ERN2: variants seen among roughly 807,000 people sequenced by gnomAD.
The protein encoded by ERN2 is endoplasmic reticulum to nucleus signaling 2, also known as serine/threonine-protein kinase/endoribonuclease IRE2.
Under a neutral mutation model 107.9 loss-of-function variants are expected in ERN2, and 111 were observed. That is an observed-to-expected ratio of 1.03 (90% CI 0.88 to 1.20). The LOEUF (loss-of-function observed/expected upper bound fraction) is 1.20, where lower values mean the gene tolerates loss of function less well. ERN2 is among the 50% of genes most tolerant of loss of function. The pLI is 0.00. For synonymous variants in ERN2, 524 were observed against 501.7 expected (o/e 1.04, Z -0.59); for missense variants, 1,225 against 1,197.9 (o/e 1.02, Z -0.33).
chr16:23,710,420 A>C (rs1364477964), intron 3 of ERN2, 96 bp downstream of exon 3: 4 of 1,375,308 alleles, frequency 2.9e-6, no homozygotes, highest in Non-Finnish European at 4.1e-6. Flanking sequence ...CCTTACTTCC[A>C]ACATGTCCCT....
chr16:23,698,421 T>C (rs1236623422), intron 13 of ERN2, among the ~76,000 whole-genome samples: 1 of 152,228 alleles, frequency 6.6e-6, no homozygotes, highest in East Asian at 1.9e-4. Flanking sequence ...CTGCCTGGTA[T>C]AGCCTGGTAT....
At position 23,690,808 on chromosome 16, in the gene ERN2, A is replaced by AT. The variant is rs1232130097; in HGVS notation, c.*22dup. Reference sequence around the variant, plus strand: ...TCTTCAGTGAGCCAGCACGGAGACCATCTGTGTGGCATCCAGCCCACCTCA... The same window carrying AT: ...TCTTCAGTGAGCCAGCACGGAGACCATTCTGTGTGGCATCCAGCCCACCTCA... On this transcript the variant is annotated 3_prime_UTR_variant, in exon 22 of 22. Transcript: ENST00000256797. The AT allele has an allele frequency of 1.9e-6, 3 of 1,593,424 alleles. No homozygotes were observed. The highest frequency in any genetic ancestry group is 2.6e-6 in the Non-Finnish European group (3 of 1,170,276).
Position 23,693,746 on chromosome 16 carries a change from T to C in ERN2, c.2100+982A>G, listed in dbSNP as rs138360937. Among the ~76,000 whole-genome samples, 882 of 152,304 alleles carry C rather than the reference T, an allele frequency of 5.8e-3. 9 individuals carry two copies. Among genetic ancestry groups the C allele is most frequent in the African/African-American group, 0.02 (825 of 41,560 alleles). ...CAGCCTTCCCTGGTGACTGTCCTTT[T>C]GTGTGATTGGCATCCATTTCTCTGG... On this transcript the variant is annotated intron_variant, in intron 17 of 21. Transcript: ENST00000256797.
chr16:23,710,805 C>A, intron 2 of ERN2, 108 bp downstream of exon 2: 2 of 926,458 alleles, frequency 2.2e-6, no homozygotes, highest in Non-Finnish European at 3.5e-6. Flanking sequence ...CCTGTAGATA[C>A]CAGCTTATTG....
chr16:23,702,677 C>T lies in ERN2; in HGVS notation c.880G>A (p.Glu294Lys), dbSNP rs1419273101. 6.2e-7 allele frequency: 1 copy of T among 1,614,164 alleles called. No individual in the cohort carries two copies. The highest frequency in any genetic ancestry group is 2.2e-5 in the East Asian group (1 of 44,884). ...LLMTLYVGKD[E>K]TGFYVSKALV... ...GCTTTAGAGACATAGAAGCCAGTTT[C>T]ATCCTTCCCCACATACAGCGTCATT... The change falls in exon 9 of 22, where the codon GAA (glutamate) becomes AAA (lysine). Residue 294 changes from glutamate (E) to lysine (K), a missense_variant. Physicochemically the swap from Glu to Lys is moderately conservative, Grantham distance 56 (BLOSUM62 1). Coordinates refer to ENST00000256797, the MANE Select transcript of ERN2 (RefSeq NM_033266.4).
intron 7 of ERN2, chr16:23,706,126 A>G: frequency 2.0e-6 from 1 of 504,084 alleles, no homozygotes; most frequent in Non-Finnish European, 3.5e-6. Flanking sequence ...AGGTTGAGGG[A>G]TTGGCCAGGG....
rs1314674826 is a variant in ERN2, at chr16:23,702,122, A to AC, written c.1203+29dup. ...TCCCCCCATCTGCTGGGGCCTCCCT[A>AC]CCCCCACTCTCTCCCCTCCCAGCAC... On this transcript the variant is annotated intron_variant, in intron 11 of 21. Coordinates refer to ENST00000256797, the MANE Select transcript of ERN2 (RefSeq NM_033266.4). 12 of 1,598,564 alleles carry AC rather than the reference A, an allele frequency of 7.5e-6. No homozygotes were observed. In the African/African-American group the frequency reaches 9.4e-5, roughly 13 times the overall value.
Position 23,695,722 on chromosome 16 carries a change from C to CAAA in ERN2, c.1610+169_1610+171dup, listed in dbSNP as rs57103138. On this transcript the variant is annotated intron_variant, in intron 14 of 21. Coordinates refer to ENST00000256797, the MANE Select transcript of ERN2 (RefSeq NM_033266.4). Reference sequence around the variant, plus strand: ...CCAGCCTGGGCAACAGAGCAAGACTCAAAAAAAAAAAAAAAAAAAAAAAAA... The same window carrying CAAA: ...CCAGCCTGGGCAACAGAGCAAGACTCAAAAAAAAAAAAAAAAAAAAAAAAAAAA... Among the ~76,000 whole-genome samples the CAAA allele has an allele frequency of 7.6e-3, 284 of 37,302 alleles. 15 individuals carry two copies. The highest frequency in any genetic ancestry group is 0.011 in the African/African-American group (119 of 10,396). The allele number at this position is 37,302 out of a possible 152,430, so 24.5% of individuals were successfully genotyped here.
Position 23,710,411 on chromosome 16 carries a change from C to T in ERN2, c.233+105G>A, listed in dbSNP as rs908314300. 4 of 1,330,460 alleles carry T rather than the reference C, an allele frequency of 3.0e-6. No individual in the cohort carries two copies. In the African/African-American group the frequency reaches 4.3e-5, roughly 14 times the overall value. 82.4% of individuals were successfully genotyped at this position (1,330,460 alleles called of 1,614,324 possible). ...TCACATCCAGAGCCAATTCTCTTCC[C>T]TTACTTCCAACATGTCCCTGCCCCA... On this transcript the variant is annotated intron_variant, in intron 3 of 21. Coordinates refer to ENST00000256797, the MANE Select transcript of ERN2 (RefSeq NM_033266.4).
chr16:23,690,918 C>T lies in ERN2; in HGVS notation c.2694G>A (p.Arg898=). The change falls in exon 22 of 22, where the codon AGG becomes AGA. Residue 898 remains arginine (R), a synonymous_variant. Coordinates refer to ENST00000256797, the MANE Select transcript of ERN2 (RefSeq NM_033266.4). Reference sequence around the variant, plus strand: ...GGAAGAGGCTCTCAGAGGCGCAGCTCCTCATGGCTCGGTGCGTGTGGAGGA... The same window carrying T: ...GGAAGAGGCTCTCAGAGGCGCAGCTTCTCATGGCTCGGTGCGTGTGGAGGA... The part of the protein sequence containing the change: ...RLLLHTHRAM[R]SCASESLFLP... 6.2e-7 allele frequency: 1 copy of T among 1,614,080 alleles called. No individual in the cohort carries two copies. Among genetic ancestry groups the T allele is most frequent in the Non-Finnish European group, 8.5e-7 (1 of 1,180,032 alleles).
chr16:23,702,673 G>A lies in ERN2; in HGVS notation c.884C>T (p.Thr295Ile). ...LMTLYVGKDE[T>I]GFYVSKALVH... ...CAGTGCTTTAGAGACATAGAAGCCA[G>A]TTTCATCCTTCCCCACATACAGCGT... The change falls in exon 9 of 22, where the codon ACT (threonine) becomes ATT (isoleucine). Residue 295 changes from threonine (T) to isoleucine (I), a missense_variant. Coordinates refer to ENST00000256797, the MANE Select transcript of ERN2 (RefSeq NM_033266.4). The A allele has an allele frequency of 6.2e-7, 1 of 1,614,152 alleles. No homozygotes were observed. Among genetic ancestry groups the A allele is most frequent in the Non-Finnish European group, 8.5e-7 (1 of 1,180,000 alleles).
Position 23,690,481 on chromosome 16 carries a change from G to A in ERN2, c.*350C>T, listed in dbSNP as rs1396497969. ...GTCTTGTGGGGGAAAGGGGGTGACA[G>A]TGTCTCTCTGTGGACCAGGCTGGAG... On this transcript the variant is annotated 3_prime_UTR_variant, in exon 22 of 22. Coordinates refer to ENST00000256797, the MANE Select transcript of ERN2 (RefSeq NM_033266.4). 6.5e-6 allele frequency: 3 copies of A among 461,240 alleles called. No individual in the cohort carries two copies. Among genetic ancestry groups the A allele is most frequent in the South Asian group, 4.6e-5 (2 of 43,578 alleles). The allele number at this position is 461,240 out of a possible 1,614,324, so 28.6% of individuals were successfully genotyped here.
rs750087049 is a variant in ERN2 at position 23,702,631 on chromosome 16, G to A, written c.926C>T (p.Ala309Val). ...VSKALVHTGV[A>V]LVPRGLTLAP... ...TCAGAGACCACTTCTTACCACCAGG[G>A]CCACTCCTGTGTGGACCAGTGCTTT... The change falls in exon 9 of 22, where the codon GCC becomes GTC. Residue 309 changes from alanine to valine, a missense_variant. By Grantham distance (64) the Ala-to-Val change is moderately conservative (BLOSUM62 0). Coordinates refer to ENST00000256797, the MANE Select transcript of ERN2 (RefSeq NM_033266.4). 4 of 1,614,092 alleles carry A rather than the reference G, an allele frequency of 2.5e-6. No individual in the cohort carries two copies. Among genetic ancestry groups the A allele is most frequent in the Middle Eastern group, 1.6e-4 (1 of 6,062 alleles).
At chr16:23,692,384 G>A (rs545284689) in intron 17 of ERN2, 53 bp from the exon 18 acceptor site, 2 of 1,592,920 alleles carry the variant, frequency 1.3e-6, no homozygotes, top group Non-Finnish European at 1.7e-6. Context: ...CAGGAAGTCA[G>A]CCTGGCTAAA....
Position 23,692,072 on chromosome 16 carries a change from TC to T in ERN2, c.2266del (p.Asp756ThrfsTer7). On this transcript the variant is annotated frameshift_variant, in exon 19 of 22. Transcript: ENST00000256797. LOFTEE classifies it high-confidence loss of function. Reference protein sequence around the residue: ...EEVHDKVVARDLVGAMLSPLP... With the variant: ...EEVHDKVVARXLVGAMLSPLP... ...TGGGCTCAACATGGCTCCAACCAGGTCCCGGGCAACCACCTTGTCTGGAGGA... is the reference window on the plus strand; with the variant it reads ...TGGGCTCAACATGGCTCCAACCAGGTCCGGGCAACCACCTTGTCTGGAGGA... 1 of 1,613,696 alleles carries T rather than the reference TC, an allele frequency of 6.2e-7. No homozygotes were observed. The highest frequency in any genetic ancestry group is 8.5e-7 in the Non-Finnish European group (1 of 1,180,014).
chr16:23,694,797 G>A lies in ERN2; in HGVS notation c.2031C>T (p.His677=), dbSNP rs1428626639. The change falls in exon 17 of 22, where the codon CAC becomes CAT. Residue 677 remains histidine, a synonymous_variant. Transcript: ENST00000256797. ...LPAGRCSFSL[H]SGIPGTEGWM... is the part of the protein sequence containing the mutation. The stretch of plus-strand genomic sequence containing the variant: ...AGCCTTCCGTGCCGGGGATGCCGGA[G>A]TGGAGGCTGAAGCTACAGCGGCCAG... 1 of 1,613,664 alleles carries A rather than the reference G, an allele frequency of 6.2e-7. No individual in the cohort carries two copies. Among genetic ancestry groups the A allele is most frequent in the Non-Finnish European group, 8.5e-7 (1 of 1,179,888 alleles).
intron 13 of ERN2, chr16:23,697,253 C>T (rs1186443567): frequency 6.6e-6 from 1 of 151,902 alleles, no homozygotes; most frequent in Non-Finnish European, 1.5e-5. Flanking sequence ...CACCAAGTTG[C>T]ACCTTAGCAT....
intron 13 of ERN2, among the ~76,000 whole-genome samples, chr16:23,700,116 G>T (rs1313620593): frequency 6.6e-6 from 1 of 152,026 alleles, no homozygotes; most frequent in Non-Finnish European, 1.5e-5. Context: ...ATCACTAGAG[G>T]ACATCAGTTC....
At chr16:23,703,930 G>C (rs1258744605) in intron 8 of ERN2, among the ~76,000 whole-genome samples, 1 of 151,994 alleles carries the variant, frequency 6.6e-6, no homozygotes. Flanking sequence ...TATCATATCA[G>C]GTTGCAATAG....
Sources: allele counts gnomAD v4.1 joint callset (sites outside exome capture counted in the v4.1 genomes callset), GRCh38; gene constraint gnomAD v4.1.1; transcripts MANE v1.5; gene names NCBI Gene and HGNC (gene_info 2026-07-23, HGNC 2026-07-21).